The following KCNH1 variants were observed in gnomAD, a reference collection of about 807,000 sequenced individuals.
The protein encoded by KCNH1 is potassium voltage-gated channel subfamily H member 1.
KCNH1 carries 27 observed loss-of-function variants against 69.2 expected under a neutral mutation model. The ratio of observed to expected loss-of-function variants is 0.39; its 90% CI spans 0.29 to 0.54. The LOEUF (loss-of-function observed/expected upper bound fraction) is 0.54. Ranked by LOEUF, KCNH1 falls within the 20% of genes least tolerant of loss-of-function variation. The pLI is 0.68. For missense variants in KCNH1, 798 were observed against 1,261.6 expected, an observed-to-expected ratio of 0.63 and a Z score of 5.57; for synonymous variants, 456 against 487.7, an observed-to-expected ratio of 0.93 and a Z score of 0.86.
intron 5 of KCNH1, 74 bp from the exon 6 acceptor site, chr1:211,019,330 T>G: frequency 1.1e-6 from 1 of 933,468 alleles, no homozygotes; most frequent in South Asian, 1.6e-5. Flanking sequence ...TCAGCATCAG[T>G]GATTGACAAA....
At chr1:210,883,272 C>T (rs895641152) in intron 7 of KCNH1, among the ~76,000 whole-genome samples, 3 of 152,184 alleles carry the variant, frequency 2.0e-5, no homozygotes, top group Non-Finnish European at 2.9e-5. Context: ...CAGAGTTTTG[C>T]TTCTGATAGA....
In KCNH1 at chr1:210,706,236, C is replaced by G. The variant is rs182287881; in HGVS notation, c.2113-22098G>C. ...TTCACTCAGGCTTTGCCGCCATCAG[C>G]TCCATGAAATTTAGACACCAGCTCT... On this transcript the variant is annotated intron_variant, in intron 10 of 10. Coordinates refer to ENST00000271751, the MANE Select transcript of KCNH1 (RefSeq NM_172362.3). Among the ~76,000 whole-genome samples, 1,030 of 152,314 alleles carry G rather than the reference C, an allele frequency of 6.8e-3. 10 individuals are homozygous for G. The highest frequency in any genetic ancestry group is 0.031 in the Middle Eastern group (9 of 294).
chr1:211,012,892 G>A (rs1442490832), intron 6 of KCNH1, among the ~76,000 whole-genome samples: 2 of 152,134 alleles, frequency 1.3e-5, no homozygotes, highest in African/African-American at 2.4e-5. Context: ...GGAGGGGAGG[G>A]GAGGGTGGTC....
chr1:210,741,425 T>C (rs559246804), intron 10 of KCNH1, among the ~76,000 whole-genome samples: 1 of 152,194 alleles, frequency 6.6e-6, no homozygotes, highest in East Asian at 1.9e-4. Flanking sequence ...TGTTCCTCAG[T>C]CCTTCTGCTT....
chr1:210,787,773 A>C (rs1358592520), intron 9 of KCNH1, among the ~76,000 whole-genome samples: 1 of 152,234 alleles, frequency 6.6e-6, no homozygotes, highest in Non-Finnish European at 1.5e-5. Flanking sequence ...AAATTTACAG[A>C]CTAATTTAAA....
At chr1:211,043,355 A>G (rs750390352) in intron 5 of KCNH1, among the ~76,000 whole-genome samples, 2 of 152,224 alleles carry the variant, frequency 1.3e-5, no homozygotes, top group Non-Finnish European at 2.9e-5. Flanking sequence ...GAAAACATAG[A>G]GGAGATGGAT....
At chr1:210,910,578 C>G (rs1163236737) in intron 7 of KCNH1, among the ~76,000 whole-genome samples, 1 of 152,214 alleles carries the variant, frequency 6.6e-6, no homozygotes, top group African/African-American at 2.4e-5. Context: ...AGGGTGGCAA[C>G]ACAGACTGGT....
intron 6 of KCNH1, among the ~76,000 whole-genome samples, chr1:210,989,340 G>C (rs766206147): frequency 7.2e-5 from 11 of 152,218 alleles, no homozygotes; most frequent in Non-Finnish European, 1.6e-4. Context: ...AATAGAAATA[G>C]ATATCAAAGC....
chr1:210,766,627 T>C (rs1350395060), intron 10 of KCNH1, among the ~76,000 whole-genome samples: 2 of 152,194 alleles, frequency 1.3e-5, no homozygotes, highest in Non-Finnish European at 2.9e-5. Flanking sequence ...AAAGAGAAGA[T>C]ATATGGAGTC....
intron 1 of KCNH1, among the ~76,000 whole-genome samples, chr1:211,132,097 AACATAC>A (rs1232604731): frequency 2.0e-5 from 3 of 152,168 alleles, no homozygotes; most frequent in African/African-American, 4.8e-5. Context: ...TCCACTCAAA[AACATAC>A]ACAGTATACA....
At chr1:210,947,256 G>A (rs6540636) in intron 6 of KCNH1, among the ~76,000 whole-genome samples, 23,149 of 152,008 alleles carry the variant, frequency 0.15, 2,073 homozygotes, top group East Asian at 0.39. Flanking sequence ...TGGGTCTCTC[G>A]GCTGAAAAGC....
At chr1:210,943,092 T>A (rs1402147264) in intron 6 of KCNH1, among the ~76,000 whole-genome samples, 2 of 152,188 alleles carry the variant, frequency 1.3e-5, no homozygotes, top group Non-Finnish European at 2.9e-5. Context: ...AAAAAAATGC[T>A]GCAATTTTCC....
At chr1:211,049,809 C>A (rs1571607247) in intron 5 of KCNH1, among the ~76,000 whole-genome samples, 1 of 152,146 alleles carries the variant, frequency 6.6e-6, no homozygotes, top group South Asian at 2.1e-4. Context: ...AGCTTGAAGA[C>A]CTGGCCAATC....
intron 7 of KCNH1, chr1:210,861,512 G>A: frequency 9.0e-6 from 7 of 773,646 alleles, no homozygotes; most frequent in Non-Finnish European, 1.7e-5. Flanking sequence ...TTTCCATTAT[G>A]ATAACTCAGG....
At chr1:210,938,213 T>C (rs1488562049) in intron 6 of KCNH1, among the ~76,000 whole-genome samples, 3 of 152,206 alleles carry the variant, frequency 2.0e-5, no homozygotes, top group African/African-American at 7.2e-5. Flanking sequence ...TGAATGTCCT[T>C]CTAAGAAGGG....
intron 5 of KCNH1, among the ~76,000 whole-genome samples, chr1:211,058,109 A>T (rs12755446): frequency 4.6e-5 from 7 of 152,022 alleles, no homozygotes; most frequent in Admixed American, 2.6e-4. Flanking sequence ...TAGTATATCC[A>T]ACAAAAATAT....
At chr1:210,707,374 G>A (rs1405608314) in intron 10 of KCNH1, among the ~76,000 whole-genome samples, 1 of 152,118 alleles carries the variant, frequency 6.6e-6, no homozygotes, top group Non-Finnish European at 1.5e-5. Context: ...AAGGCAGGCG[G>A]GCATTTACCC....
intron 6 of KCNH1, among the ~76,000 whole-genome samples, chr1:210,985,880 G>A (rs1225999360): frequency 1.3e-5 from 2 of 152,134 alleles, no homozygotes; most frequent in African/African-American, 4.8e-5. Flanking sequence ...GTTGACAGTA[G>A]GGTGTTAAAG....
At chr1:210,699,049 C>T (rs927789553) in intron 10 of KCNH1, among the ~76,000 whole-genome samples, 4 of 152,214 alleles carry the variant, frequency 2.6e-5, no homozygotes, top group Non-Finnish European at 5.9e-5. Flanking sequence ...GGGTCTCTAC[C>T]TCACACTCTC....
Sources: gnomAD v4.1 joint callset for allele counts (sites outside exome capture counted in the v4.1 genomes callset) on GRCh38, gnomAD v4.1.1 for gene constraint, MANE v1.5 for transcripts, NCBI Gene and HGNC (gene_info 2026-07-23, HGNC 2026-07-21) for gene names.